Variants in MMS22L observed in about 807,000 individuals in gnomAD.
MMS22L encodes protein MMS22-like.
Under a neutral mutation model 159.1 loss-of-function variants are expected in MMS22L, and 74 were observed. The observed-to-expected ratio is 0.47, with a 90% CI of 0.39 to 0.56. The LOEUF is 0.56. Among genes scored for constraint, MMS22L ranks in the 20% least tolerant of loss-of-function variants. MMS22L has a pLI of 0.00. For synonymous variants in MMS22L, 517 were observed against 506.9 expected (o/e 1.02, Z -0.27); for missense variants, 1,351 against 1,422.1 (o/e 0.95, Z 0.80).
At chr6:97,147,161 C>T (rs1800963215) in intron 24 of MMS22L, among the ~76,000 whole-genome samples, 1 of 152,030 alleles carries the variant, frequency 6.6e-6, no homozygotes, top group African/African-American at 2.4e-5. Flanking sequence ...TATTATAATG[C>T]TCACGGGTAA....
intron 14 of MMS22L, among the ~76,000 whole-genome samples, chr6:97,209,503 A>T (rs1024929483): frequency 2.6e-5 from 4 of 151,942 alleles, no homozygotes. Context: ...ACCTCAAGCT[A>T]TCTACAATTA....
chr6:97,228,817 A>G (rs1810529614), intron 14 of MMS22L, 77 bp downstream of exon 14: 1 of 1,356,862 alleles, frequency 7.4e-7, no homozygotes, highest in Non-Finnish European at 1.0e-6. Flanking sequence ...ATATGCATAT[A>G]TATAACTTTA....
At chr6:97,256,368 T>C (rs1421250925) in intron 9 of MMS22L, among the ~76,000 whole-genome samples, 1 of 152,156 alleles carries the variant, frequency 6.6e-6, no homozygotes, top group Non-Finnish European at 1.5e-5. Flanking sequence ...TTAATTCCAA[T>C]AAATTATATT....
At chr6:97,165,908 T>A (rs768256729) in intron 20 of MMS22L, among the ~76,000 whole-genome samples, 1 of 152,106 alleles carries the variant, frequency 6.6e-6, no homozygotes, top group Non-Finnish European at 1.5e-5. Context: ...TTTTTTAAAG[T>A]AATAACAAAG....
At chr6:97,206,636 T>C (rs985014750) in intron 14 of MMS22L, among the ~76,000 whole-genome samples, 9 of 152,090 alleles carry the variant, frequency 5.9e-5, no homozygotes, top group African/African-American at 1.9e-4. Context: ...AAAAGTACAC[T>C]TGGAGAAGTG....
At chr6:97,195,710 G>C (rs925516839) in intron 14 of MMS22L, among the ~76,000 whole-genome samples, 1 of 152,148 alleles carries the variant, frequency 6.6e-6, no homozygotes, top group Non-Finnish European at 1.5e-5. Context: ...GAAGGATTCT[G>C]AACTGGAGGG....
chr6:97,261,290 A>G (rs997838711), intron 9 of MMS22L: 1 of 152,162 alleles, frequency 6.6e-6, no homozygotes, highest in Admixed American at 6.6e-5. Context: ...TGACGTTTGA[A>G]CAACACGGGT....
At chr6:97,193,184 G>A (rs978092243) in intron 14 of MMS22L, among the ~76,000 whole-genome samples, 1 of 152,146 alleles carries the variant, frequency 6.6e-6, no homozygotes. Context: ...AGGCTCTATA[G>A]GGATTCCAAA....
At position 97,145,690 on chromosome 6, in the gene MMS22L, A is replaced by G. The variant is rs960667984; in HGVS notation, c.*1116T>C. The G allele has an allele frequency of 2.6e-5, 4 of 152,178 alleles. No homozygotes were observed. The highest frequency in any genetic ancestry group is 5.9e-5 in the Non-Finnish European group (4 of 68,004). The allele number at this position is 152,178 out of a possible 1,614,324, so 9.4% of individuals were successfully genotyped here. A position where few individuals can be genotyped will look rare whatever the true frequency, so the allele number is the denominator to read the frequency against. ...TTGATTCTCACAACAACACTGTCAAATAGTAAAGGGATTCTTCTTTTCTTC... is the reference window on the plus strand; with the variant it reads ...TTGATTCTCACAACAACACTGTCAAGTAGTAAAGGGATTCTTCTTTTCTTC... On this transcript the variant is annotated 3_prime_UTR_variant, in exon 25 of 25. Transcript: ENST00000683635.
intron 24 of MMS22L, among the ~76,000 whole-genome samples, chr6:97,149,596 A>C (rs1801119668): frequency 6.6e-6 from 1 of 152,324 alleles, no homozygotes; most frequent in East Asian, 1.9e-4. Context: ...GCACTGCTGA[A>C]ATATACAGCT....
intron 14 of MMS22L, among the ~76,000 whole-genome samples, chr6:97,204,204 ATTG>A (rs1201334372): frequency 6.6e-6 from 1 of 152,218 alleles, no homozygotes; most frequent in Non-Finnish European, 1.5e-5. Flanking sequence ...CCAAACTGAC[ATTG>A]TTAAGTGTTT....
chr6:97,246,802 T>A, intron 10 of MMS22L, 112 bp from the exon 11 acceptor site: 1 of 658,946 alleles, frequency 1.5e-6, no homozygotes, highest in South Asian at 2.4e-5. Flanking sequence ...TCATTCAGCA[T>A]CAATGTGATT....
rs1201263906 is a variant in MMS22L, at chr6:97,146,352, C to T, written c.*454G>A. 2 of 152,292 alleles carry T rather than the reference C, an allele frequency of 1.3e-5. No homozygotes were observed. Among genetic ancestry groups the T allele is most frequent in the Non-Finnish European group, 2.9e-5 (2 of 68,202 alleles). 9.4% of individuals were successfully genotyped at this position (152,292 alleles called of 1,614,324 possible). ...CACATTTCCCAACACCTTTCCCCCA[C>T]CAAAAACACAGTATAGGGTAGCCAG... is the stretch of plus-strand genomic sequence containing the variant. On this transcript the variant is annotated 3_prime_UTR_variant, in exon 25 of 25. Transcript: ENST00000683635.
intron 19 of MMS22L, among the ~76,000 whole-genome samples, chr6:97,172,124 C>A (rs927456985): frequency 3.9e-5 from 6 of 152,112 alleles, no homozygotes; most frequent in African/African-American, 1.4e-4. Flanking sequence ...CTTTTGTAGA[C>A]ACTAATAAAT....
intron 14 of MMS22L, among the ~76,000 whole-genome samples, chr6:97,193,314 TATA>T (rs1158123844): frequency 2.0e-5 from 3 of 152,164 alleles, no homozygotes. Context: ...CAAGCATGCC[TATA>T]ATAATGCTGT....
At chr6:97,220,535 T>C (rs1809518661) in intron 14 of MMS22L, among the ~76,000 whole-genome samples, 1 of 152,016 alleles carries the variant, frequency 6.6e-6, no homozygotes, top group Admixed American at 6.6e-5. Context: ...AAAGATAATC[T>C]GAGGAAGGAA....
chr6:97,190,249 T>C (rs1489035618), intron 14 of MMS22L, among the ~76,000 whole-genome samples: 1 of 152,228 alleles, frequency 6.6e-6, no homozygotes, highest in African/African-American at 2.4e-5. Context: ...GATGGCTGTT[T>C]TATGAGGCAT....
chr6:97,276,842 C>T (rs7740887), intron 4 of MMS22L, among the ~76,000 whole-genome samples: 3 of 151,928 alleles, frequency 2.0e-5, no homozygotes, highest in Admixed American at 6.6e-5. Context: ...CCTTTATCAC[C>T]GTACCTTTTC....
intron 9 of MMS22L, among the ~76,000 whole-genome samples, chr6:97,257,613 T>C (rs933470890): frequency 6.6e-6 from 1 of 152,100 alleles, no homozygotes; most frequent in African/African-American, 2.4e-5. Context: ...TGTTTATTTT[T>C]TGTAAAGATT....
Sources: gnomAD v4.1 joint callset for allele counts (sites outside exome capture counted in the v4.1 genomes callset) on GRCh38, gnomAD v4.1.1 for gene constraint, MANE v1.5 for transcripts, NCBI Gene and HGNC (gene_info 2026-07-23, HGNC 2026-07-21) for gene names.